The following ZBTB5 variants were observed in gnomAD, a reference collection of about 807,000 sequenced individuals.
The protein encoded by ZBTB5 is zinc finger and BTB domain containing 5, also known as zinc finger and BTB domain-containing protein 5.
In ZBTB5, 15 loss-of-function variants were observed where a neutral mutation model predicts 37.9. That is an observed-to-expected ratio of 0.40 (90% CI 0.26 to 0.61). The LOEUF (loss-of-function observed/expected upper bound fraction) is 0.61. Among genes scored for constraint, ZBTB5 ranks in the 20% least tolerant of loss-of-function variants. The pLI is 0.47. For synonymous variants in ZBTB5, 315 were observed against 312.4 expected (o/e 1.01, Z -0.09); for missense variants, 708 against 856.8 (o/e 0.83, Z 2.17).
intron 1 of ZBTB5, among the ~76,000 whole-genome samples, chr9:37,464,713 A>G (rs1038346089): frequency 1.3e-5 from 2 of 152,232 alleles, no homozygotes; most frequent in Non-Finnish European, 2.9e-5. Flanking sequence ...CAGTCCTCTC[A>G]TAACAAGTTG....
chr9:37,460,267 GTC>G (rs1487434505), intron 1 of ZBTB5, among the ~76,000 whole-genome samples: 1 of 151,974 alleles, frequency 6.6e-6, no homozygotes, highest in Non-Finnish European at 1.5e-5. Context: ...GAGAAACCCT[GTC>G]TCTGCCAAAA....
rs114551206 is a variant in ZBTB5 at position 37,457,703 on chromosome 9, T to C, written c.-5+7512A>G. ...CATAAGAGGTGAAAGAACCTCTCAA[T>C]GGTTTGGAGAAGGCAAAGGTTATTT... On this transcript the variant is annotated intron_variant, in intron 1 of 1. Coordinates refer to ENST00000307750, the MANE Select transcript of ZBTB5 (RefSeq NM_014872.3). Among the ~76,000 whole-genome samples, 871 of 152,336 alleles carry C rather than the reference T, an allele frequency of 5.7e-3. 11 individuals carry two copies. The highest frequency in any genetic ancestry group is 0.02 in the African/African-American group (824 of 41,574).
chr9:37,451,439 T>C (rs1273901720), intron 1 of ZBTB5, among the ~76,000 whole-genome samples: 3 of 150,278 alleles, frequency 2.0e-5, no homozygotes, highest in Non-Finnish European at 2.9e-5. Flanking sequence ...AGGCCTGTAA[T>C]CCCAGTTATT....
chr9:37,456,315 A>G (rs768120533), intron 1 of ZBTB5, among the ~76,000 whole-genome samples: 1 of 152,086 alleles, frequency 6.6e-6, no homozygotes, highest in Non-Finnish European at 1.5e-5. Flanking sequence ...ACATCCATCC[A>G]TTGTTCTAAT....
chr9:37,461,545 T>C (rs549162726), intron 1 of ZBTB5, among the ~76,000 whole-genome samples: 3 of 152,282 alleles, frequency 2.0e-5, no homozygotes, highest in African/African-American at 4.8e-5. Flanking sequence ...CTGGCCAACA[T>C]GGCGAAACCC....
intron 1 of ZBTB5, among the ~76,000 whole-genome samples, chr9:37,457,110 C>T (rs181743115): frequency 2.0e-4 from 30 of 152,344 alleles, no homozygotes; most frequent in Non-Finnish European, 3.2e-4. Context: ...AGACAGCTGA[C>T]CCACTAAGGG....
At chr9:37,455,825 C>A (rs865883762) in intron 1 of ZBTB5, among the ~76,000 whole-genome samples, 31 of 152,072 alleles carry the variant, frequency 2.0e-4, no homozygotes, top group African/African-American at 7.5e-4. Flanking sequence ...CAAGGACCCA[C>A]TCAAGTAGGC....
Position 37,441,845 on chromosome 9 carries a change from T to G in ZBTB5, c.707A>C (p.Asp236Ala), listed in dbSNP as rs770593688. 4 of 1,614,058 alleles carry G rather than the reference T, an allele frequency of 2.5e-6. No individual in the cohort carries two copies. In the East Asian group the frequency reaches 8.9e-5, roughly 36 times the overall value. The part of the protein sequence containing the change: ...VHSREEFFSP[D>A]SLKIVDNPKA... Reference sequence around the variant, plus strand: ...AGGATTATCCACAATTTTCAGAGAATCTGGTGAAAAGAACTCCTCCCGAGA... The same window carrying G: ...AGGATTATCCACAATTTTCAGAGAAGCTGGTGAAAAGAACTCCTCCCGAGA... Residue 236 changes from aspartate (D) to alanine (A), a missense_variant, in exon 2 of 2, where the codon GAT (aspartate) becomes GCT (alanine). Around this residue, in one of 3 missense-constraint regions of ZBTB5, gnomAD observed 639 missense variants for 690.5 expected, o/e 0.93. Transcript: ENST00000307750.
In ZBTB5 at chr9:37,440,433, G is replaced by T; in HGVS notation, c.*85C>A. 8.5e-7 allele frequency: 1 copy of T among 1,178,194 alleles called. No individual in the cohort carries two copies. Among genetic ancestry groups the T allele is most frequent in the Non-Finnish European group, 1.2e-6 (1 of 834,156 alleles). 73.0% of individuals were successfully genotyped at this position (1,178,194 alleles called of 1,614,324 possible). A position where few individuals can be genotyped will look rare whatever the true frequency, so the allele number is the denominator to read the frequency against. On this transcript the variant is annotated 3_prime_UTR_variant, in exon 2 of 2. Transcript: ENST00000307750. ...TTTAAGAGCCACTGGGCAGCTGGAA[G>T]CCTCGAACCCAAAGGCATTAACTGC...
In ZBTB5 at chr9:37,440,945, C is replaced by A. The variant is rs779790693; in HGVS notation, c.1607G>T (p.Arg536Leu). The change falls in exon 2 of 2, where the codon CGC (arginine) becomes CTC (leucine). Residue 536 changes from arginine (R) to leucine (L), a missense_variant. Coordinates refer to ENST00000307750, the MANE Select transcript of ZBTB5 (RefSeq NM_014872.3). ...RGGASNFPYY[R>L]RIAPKMPVVT... ...AACTGGCATTTTGGGAGCTATGCGG[C>A]GGTAGTAAGGAAAGTTACTGGCTCC... 1.2e-6 allele frequency: 2 copies of A among 1,614,142 alleles called. No homozygotes were observed. The highest frequency in any genetic ancestry group is 1.7e-6 in the Non-Finnish European group (2 of 1,180,034).
intron 1 of ZBTB5, among the ~76,000 whole-genome samples, chr9:37,447,639 G>A (rs1824012985): frequency 6.6e-6 from 1 of 152,094 alleles, no homozygotes; most frequent in Non-Finnish European, 1.5e-5. Context: ...ATTATGCTAA[G>A]TACTTTTAAT....
rs770129478 is a variant in ZBTB5, at chr9:37,441,384, C to T, written c.1168G>A (p.Gly390Ser). The T allele has an allele frequency of 6.2e-7, 1 of 1,614,018 alleles. No homozygotes were observed. Among genetic ancestry groups the T allele is most frequent in the Non-Finnish European group, 8.5e-7 (1 of 1,180,018 alleles). ...SDPQSSTDRV[G>S]DIHILEVTNN... ...GTGACTTCCAAAATATGGATATCAC[C>T]TACCCTGTCTGTGCTAGACTGGGGA... is the stretch of plus-strand genomic sequence containing the variant. Residue 390 changes from glycine (G) to serine (S), a missense_variant, in exon 2 of 2, where the codon GGT (glycine) becomes AGT (serine). Physicochemically the swap from Gly to Ser is moderately conservative, Grantham distance 56. This residue lies in a region of ZBTB5 where 639 missense variants were observed against 690.5 expected (regional missense o/e 0.93). Coordinates refer to ENST00000307750, the MANE Select transcript of ZBTB5 (RefSeq NM_014872.3).
chr9:37,448,247 C>T (rs1824031544), intron 1 of ZBTB5, among the ~76,000 whole-genome samples: 1 of 152,160 alleles, frequency 6.6e-6, no homozygotes. Flanking sequence ...CTCAAGTTCT[C>T]CACATTCCTC....
chr9:37,454,327 AT>A lies in ZBTB5; in HGVS notation c.-5+10887del, dbSNP rs551719694. Among the ~76,000 whole-genome samples the A allele has an allele frequency of 1.9e-3, 295 of 152,336 alleles. 2 individuals are homozygous for A. Among genetic ancestry groups the A allele is most frequent in the African/African-American group, 6.8e-3 (281 of 41,574 alleles). ...CCTTAACAGAGCTCAGGCTGAGTAA[AT>A]TAAGAGTTTTACCCAAAGCTGCCTG... is the stretch of plus-strand genomic sequence containing the variant. On this transcript the variant is annotated intron_variant, in intron 1 of 1. Transcript: ENST00000307750.
At chr9:37,443,381 A>G (rs1011424383) in intron 1 of ZBTB5, among the ~76,000 whole-genome samples, 1 of 152,134 alleles carries the variant, frequency 6.6e-6, no homozygotes, top group Non-Finnish European at 1.5e-5. Flanking sequence ...TAAAGGTGTA[A>G]ACCCACAAGG....
At chr9:37,451,039 G>A (rs1348616395) in intron 1 of ZBTB5, among the ~76,000 whole-genome samples, 4 of 152,042 alleles carry the variant, frequency 2.6e-5, no homozygotes, top group Admixed American at 6.6e-5. Flanking sequence ...AAATAGCCGG[G>A]TGTGGTGATG....
Position 37,441,542 on chromosome 9 carries a change from G to C in ZBTB5, c.1010C>G (p.Pro337Arg). 1 of 1,612,724 alleles carries C rather than the reference G, an allele frequency of 6.2e-7. No individual in the cohort carries two copies. The highest frequency in any genetic ancestry group is 8.5e-7 in the Non-Finnish European group (1 of 1,179,864). Residue 337 changes from proline (P) to arginine (R), a missense_variant, in exon 2 of 2, where the codon CCT (proline) becomes CGT (arginine). By Grantham distance (103) the Pro-to-Arg change is moderately radical (BLOSUM62 -2). This residue lies in a region of ZBTB5 where 639 missense variants were observed against 690.5 expected (regional missense o/e 0.93). Coordinates refer to ENST00000307750, the MANE Select transcript of ZBTB5 (RefSeq NM_014872.3). ...VVVKSEPLSS[P>R]EPQDEVSDVT... ...ATCGCTCACTTCATCCTGAGGCTCA[G>C]GTGAGCTCAGGGGCTCAGATTTAAC...
intron 1 of ZBTB5, among the ~76,000 whole-genome samples, chr9:37,464,205 CAATGACTT>C (rs1824346227): frequency 6.6e-6 from 1 of 152,180 alleles, no homozygotes; most frequent in African/African-American, 2.4e-5. Context: ...AACAAATTAC[CAATGACTT>C]AATGACTAAG....
chr9:37,441,771 C>A lies in ZBTB5; in HGVS notation c.781G>T (p.Asp261Tyr). Residue 261 changes from aspartate (D) to tyrosine (Y), a missense_variant, in exon 2 of 2, where the codon GAT becomes TAT. Around this residue, in one of 3 missense-constraint regions of ZBTB5, gnomAD observed 639 missense variants for 690.5 expected, o/e 0.93. Coordinates refer to ENST00000307750, the MANE Select transcript of ZBTB5 (RefSeq NM_014872.3). Reference protein sequence around the residue: ...DNQEDSAIMFDQSFGTQEDAQ... With the variant: ...DNQEDSAIMFYQSFGTQEDAQ... The stretch of plus-strand genomic sequence containing the variant: ...TCTTCTTGAGTGCCAAAAGACTGAT[C>A]AAACATGATCGCACTATCTTCCTGG... 1.2e-6 allele frequency: 2 copies of A among 1,614,050 alleles called. No homozygotes were observed. The highest frequency in any genetic ancestry group is 2.2e-5 in the South Asian group (2 of 91,066).
Sources: allele counts gnomAD v4.1 joint callset (sites outside exome capture counted in the v4.1 genomes callset), GRCh38; gene constraint gnomAD v4.1.1; regional missense constraint gnomAD v4.1.1; transcripts MANE v1.5; gene names NCBI Gene and HGNC (gene_info 2026-07-23, HGNC 2026-07-21).